Variants in BANK1 observed in about 807,000 individuals in gnomAD.
BANK1 encodes B cell scaffold protein with ankyrin repeats 1, also known as B-cell scaffold protein with ankyrin repeats.
BANK1 carries 95 observed loss-of-function variants against 94.5 expected under a neutral mutation model. The ratio of observed to expected loss-of-function variants is 1.00; its 90% CI spans 0.85 to 1.19. BANK1 has a LOEUF of 1.19. Ranked by LOEUF, BANK1 falls within the 50% of genes most tolerant of loss-of-function variation. The pLI, the probability that BANK1 is intolerant of heterozygous loss-of-function variation, is 0.00. For synonymous variants in BANK1, 334 were observed against 308.4 expected, an observed-to-expected ratio of 1.08 and a Z score of -0.87; for missense variants, 987 against 932.2, an observed-to-expected ratio of 1.06 and a Z score of -0.77.
intron 10 of BANK1, among the ~76,000 whole-genome samples, chr4:102,038,817 A>G (rs1024976724): frequency 2.0e-5 from 3 of 152,154 alleles, no homozygotes; most frequent in African/African-American, 7.2e-5. Context: ...TAGTAGAAAA[A>G]AAGATTTATA....
At chr4:101,804,640 T>G (rs74798420) in intron 1 of BANK1, among the ~76,000 whole-genome samples, 1 of 152,282 alleles carries the variant, frequency 6.6e-6, no homozygotes, top group African/African-American at 2.4e-5. Context: ...TGTAAACAGA[T>G]GATGTAAACT....
intron 1 of BANK1, among the ~76,000 whole-genome samples, chr4:101,816,181 A>G (rs1178612588): frequency 1.3e-5 from 2 of 152,212 alleles, no homozygotes. Context: ...AAGGCTTGTT[A>G]TGCAGGTATA....
chr4:101,830,207 G>T lies in BANK1; in HGVS notation c.469+1G>T. The T allele has an allele frequency of 6.7e-7, 1 of 1,482,944 alleles. No individual in the cohort carries two copies. Among genetic ancestry groups the T allele is most frequent in the Non-Finnish European group, 8.9e-7 (1 of 1,119,422 alleles). 91.9% of individuals were successfully genotyped at this position (1,482,944 alleles called of 1,614,324 possible). A position where few individuals can be genotyped will look rare whatever the true frequency, so the allele number is the denominator to read the frequency against. ...GTAATCCAGAGTATCATATTCAAAG[G>T]TAGTGTTGCCAAACCTTGTTTGTTT... On this transcript the variant is annotated splice_donor_variant, in intron 2 of 16. Coordinates refer to ENST00000322953, the MANE Select transcript of BANK1 (RefSeq NM_017935.5). LOFTEE classifies it high-confidence loss of function.
intron 1 of BANK1, among the ~76,000 whole-genome samples, chr4:101,829,123 A>G (rs978849338): frequency 2.0e-5 from 3 of 151,948 alleles, no homozygotes; most frequent in African/African-American, 4.8e-5. Context: ...CAGCCTCCCA[A>G]AGTGCTGGGA....
chr4:102,009,708 T>C (rs1450946733), intron 7 of BANK1, among the ~76,000 whole-genome samples: 1 of 152,216 alleles, frequency 6.6e-6, no homozygotes, highest in Non-Finnish European at 1.5e-5. Flanking sequence ...TTAAAAATAG[T>C]AAACCTACCT....
chr4:102,026,140 G>A (rs1434079180), intron 9 of BANK1, among the ~76,000 whole-genome samples: 4 of 152,144 alleles, frequency 2.6e-5, no homozygotes, highest in African/African-American at 9.7e-5. Flanking sequence ...CGAAGGAATT[G>A]GGGTGTGGAA....
rs1277722499 is a variant in BANK1, at chr4:101,841,285, T to C, written c.469+11079T>C. On this transcript the variant is annotated intron_variant, in intron 2 of 16. Coordinates refer to ENST00000322953, the MANE Select transcript of BANK1 (RefSeq NM_017935.5). ...TACCCAGAGGCAGTCACTGTTAACA[T>C]TTTGGCATATTTCATTCCATATATA... 5.9e-5 allele frequency among the ~76,000 whole-genome samples: 9 copies of C among 152,268 alleles called. No homozygotes were observed. In the East Asian group the frequency reaches 1.7e-3, roughly 29 times the overall value.
chr4:101,800,082 G>A (rs2148849873), intron 1 of BANK1, among the ~76,000 whole-genome samples: 1 of 144,442 alleles, frequency 6.9e-6, no homozygotes, highest in South Asian at 2.2e-4. Flanking sequence ...ATTGAGCAAT[G>A]AGAATACTTG....
intron 7 of BANK1, among the ~76,000 whole-genome samples, chr4:101,928,837 G>T (rs1480272784): frequency 1.3e-5 from 2 of 151,214 alleles, no homozygotes; most frequent in East Asian, 3.9e-4. Flanking sequence ...CTGAACATTT[G>T]TTCACGGCCC....
rs201568340 is a variant in BANK1, at chr4:102,025,447, T to A, written c.1532T>A (p.Leu511His). 6 of 1,611,996 alleles carry A rather than the reference T, an allele frequency of 3.7e-6. No individual in the cohort carries two copies. Among genetic ancestry groups the A allele is most frequent in the Non-Finnish European group, 5.1e-6 (6 of 1,178,780 alleles). Reference sequence around the variant, plus strand: ...CCACTCATGAGCAGCAGACCTCCTCTCCCCCCGCCGCGACCTGTAGCTAAT... The same window carrying A: ...CCACTCATGAGCAGCAGACCTCCTCACCCCCCGCCGCGACCTGTAGCTAAT... ...QEPLMSSRPP[L>H]PPPRPVANAF... Residue 511 changes from leucine (L) to histidine (H), a missense_variant, in exon 9 of 17, where the codon CTC (leucine) becomes CAC (histidine). Coordinates refer to ENST00000322953, the MANE Select transcript of BANK1 (RefSeq NM_017935.5).
intron 6 of BANK1, among the ~76,000 whole-genome samples, chr4:101,895,943 G>A (rs1722061465): frequency 6.6e-6 from 1 of 151,758 alleles, no homozygotes; most frequent in Admixed American, 6.6e-5. Context: ...CAGCATATAA[G>A]TTTATATATA....
intron 1 of BANK1, among the ~76,000 whole-genome samples, chr4:101,794,123 A>T (rs1212354533): frequency 6.6e-6 from 1 of 152,164 alleles, no homozygotes; most frequent in Non-Finnish European, 1.5e-5. Flanking sequence ...AAAGGGAATT[A>T]AACTATAGCA....
intron 6 of BANK1, among the ~76,000 whole-genome samples, chr4:101,898,301 A>G (rs993935497): frequency 8.6e-5 from 13 of 151,956 alleles, no homozygotes; most frequent in African/African-American, 3.1e-4. Context: ...ATAATGTTCA[A>G]GTTGATAGGG....
chr4:101,972,839 T>C (rs893741265), intron 7 of BANK1: 1 of 152,176 alleles, frequency 6.6e-6, no homozygotes, highest in Non-Finnish European at 1.5e-5. Context: ...AGCAATGGAC[T>C]GATAATTACA....
intron 5 of BANK1, among the ~76,000 whole-genome samples, chr4:101,885,081 C>A (rs759163901): frequency 3.9e-5 from 6 of 152,166 alleles, no homozygotes; most frequent in Non-Finnish European, 5.9e-5. Context: ...CCACGCCCGA[C>A]TAATTTTTGT....
chr4:102,016,733 T>A (rs182442519), intron 7 of BANK1, among the ~76,000 whole-genome samples: 1 of 152,356 alleles, frequency 6.6e-6, no homozygotes, highest in Admixed American at 6.5e-5. Flanking sequence ...TTTTCTGACA[T>A]ATCTCCCTTC....
chr4:102,001,321 G>A (rs1037146262), intron 7 of BANK1, among the ~76,000 whole-genome samples: 1 of 152,178 alleles, frequency 6.6e-6, no homozygotes, highest in African/African-American at 2.4e-5. Flanking sequence ...AGACACCTGG[G>A]CTGGGCGCAG....
intron 7 of BANK1, among the ~76,000 whole-genome samples, chr4:101,975,951 C>T (rs997485365): frequency 1.3e-5 from 2 of 152,124 alleles, no homozygotes; most frequent in African/African-American, 4.8e-5. Flanking sequence ...GCTATCCTTT[C>T]TTTTAGACTC....
Position 101,803,252 on chromosome 4 carries a change from A to G in BANK1, c.70+12302A>G, listed in dbSNP as rs562239969. On this transcript the variant is annotated intron_variant, in intron 1 of 16. Transcript: ENST00000322953. ...AGTTATATTTTCTTTAGTGTTATGC[A>G]TGCCATAGTGTAAATAAAGTTATGA... Among the ~76,000 whole-genome samples, 36 of 152,184 alleles carry G rather than the reference A, an allele frequency of 2.4e-4. No individual in the cohort carries two copies. In the South Asian group the frequency reaches 7.1e-3, roughly 30 times the overall value.
Sources: allele counts gnomAD v4.1 joint callset (sites outside exome capture counted in the v4.1 genomes callset), GRCh38; gene constraint gnomAD v4.1.1; transcripts MANE v1.5; gene names NCBI Gene and HGNC (gene_info 2026-07-23, HGNC 2026-07-21).